Variants in CLGN observed in about 807,000 individuals in gnomAD.
CLGN encodes the protein testis tissue sperm-binding protein Li 79P.
Under a neutral mutation model 79.1 loss-of-function variants are expected in CLGN, and 62 were observed. The observed-to-expected ratio is 0.78, with a 90% CI of 0.64 to 0.97. CLGN has a LOEUF of 0.97. Ranked by LOEUF, CLGN falls within the 50% of genes least tolerant of loss-of-function variation. The probability of loss-of-function intolerance (pLI) is 0.00; values close to 1 mark genes in which losing one functional copy is unlikely to be tolerated. For synonymous variants in CLGN, 225 were observed against 224.7 expected (o/e 1.00, Z -0.01); for missense variants, 647 against 715.5 (o/e 0.90, Z 1.09).
chr4:140,404,457 G>A (rs994715408), intron 5 of CLGN, among the ~76,000 whole-genome samples: 4 of 152,078 alleles, frequency 2.6e-5, no homozygotes, highest in African/African-American at 7.2e-5. Flanking sequence ...ATATTAACAT[G>A]TATACAATTT....
intron 1 of CLGN, among the ~76,000 whole-genome samples, chr4:140,421,859 T>C (rs1729476302): frequency 6.6e-6 from 1 of 152,092 alleles, no homozygotes; most frequent in Admixed American, 6.5e-5. Context: ...TAAAAATTAC[T>C]GGCAAATTCA....
At position 140,400,494 on chromosome 4, in the gene CLGN, C is replaced by T; in HGVS notation, c.557G>A (p.Gly186Glu). The change falls in exon 7 of 15, where the codon GGA becomes GAA. Residue 186 changes from glycine (G) to glutamate (E), a missense_variant. Gly to Glu is a moderately conservative substitution (Grantham distance 98). Coordinates refer to ENST00000325617, the MANE Select transcript of CLGN (RefSeq NM_004362.3). ...YIIMFGPDKC[G>E]EDYKLHFIFR... is the part of the protein sequence containing the mutation. ...GATAAAATGAAGTTTATAATCTTCT[C>T]CACATTTATCTGGTCCAAACATAAT... 1 of 1,604,974 alleles carries T rather than the reference C, an allele frequency of 6.2e-7. No individual in the cohort carries two copies. The highest frequency in any genetic ancestry group is 8.5e-7 in the Non-Finnish European group (1 of 1,172,296).
chr4:140,415,161 GT>G (rs1481006072), intron 1 of CLGN, among the ~76,000 whole-genome samples: 1 of 152,160 alleles, frequency 6.6e-6, no homozygotes, highest in Non-Finnish European at 1.5e-5. Context: ...GAGAGATTTT[GT>G]CACCACCAGG....
intron 1 of CLGN, among the ~76,000 whole-genome samples, chr4:140,420,779 A>G (rs1729455265): frequency 6.6e-6 from 1 of 152,178 alleles, no homozygotes; most frequent in South Asian, 2.1e-4. Flanking sequence ...ACAAGTCTGT[A>G]CTGAAACTCT....
intron 1 of CLGN, among the ~76,000 whole-genome samples, chr4:140,419,111 C>A (rs1427186288): frequency 2.6e-5 from 4 of 151,920 alleles, no homozygotes; most frequent in African/African-American, 9.7e-5. Flanking sequence ...GAACAAAAAA[C>A]CAAACACCGC....
chr4:140,412,048 TG>T (rs926136070), intron 2 of CLGN, among the ~76,000 whole-genome samples: 1 of 152,140 alleles, frequency 6.6e-6, no homozygotes, highest in Admixed American at 6.5e-5. Context: ...CTGTAGTAAC[TG>T]TATCCAAGTC....
At chr4:140,392,175 G>T (rs1560737860) in intron 13 of CLGN, 44 bp downstream of exon 13, 1 of 1,597,628 alleles carries the variant, frequency 6.3e-7, no homozygotes, top group Non-Finnish European at 8.5e-7. Context: ...AGTTTTATGA[G>T]CTTTACCCAG....
In CLGN at chr4:140,396,163, A is replaced by G. The variant is rs1728870256; in HGVS notation, c.927T>C (p.Val309=). 2 of 1,614,078 alleles carry G rather than the reference A, an allele frequency of 1.2e-6. No homozygotes were observed. The highest frequency in any genetic ancestry group is 2.7e-5 in the African/African-American group (2 of 74,934). Residue 309 remains valine (V), a synonymous_variant, in exon 9 of 15, where the codon GTT becomes GTC. Transcript: ENST00000325617. ...EPAQIEDSSV[V]KPAGWLDDEP... The stretch of plus-strand genomic sequence containing the variant: ...CATCATCAAGCCAGCCAGCAGGTTT[A>G]ACAACACTTGAATCTTCTATTTGGG...
intron 14 of CLGN, among the ~76,000 whole-genome samples, chr4:140,390,346 G>T (rs553873687): frequency 3.3e-5 from 5 of 151,754 alleles, no homozygotes; most frequent in East Asian, 3.9e-4. Flanking sequence ...CTTTTCAATA[G>T]AATTTCAATG....
chr4:140,400,670 T>C (rs1023353838), intron 6 of CLGN, 121 bp from the exon 7 acceptor site: 13 of 612,590 alleles, frequency 2.1e-5, no homozygotes, highest in African/African-American at 2.1e-4. Flanking sequence ...ACCAGAGAGC[T>C]AGCTATTTAA....
At chr4:140,394,099 CT>C in intron 10 of CLGN, 58 bp from the exon 11 acceptor site, 1 of 1,226,672 alleles carries the variant, frequency 8.2e-7, no homozygotes, top group Non-Finnish European at 1.2e-6. Flanking sequence ...ATAAATGCTG[CT>C]TAATAAGTAG....
chr4:140,392,893 C>T lies in CLGN; in HGVS notation c.1366-182G>A, dbSNP rs554127899. Among the ~76,000 whole-genome samples, 6 of 152,162 alleles carry T rather than the reference C, an allele frequency of 3.9e-5. No homozygotes were observed. The East Asian group carries it at 1.2e-3, about 29-fold the overall frequency. On this transcript the variant is annotated intron_variant, in intron 11 of 14. Coordinates refer to ENST00000325617, the MANE Select transcript of CLGN (RefSeq NM_004362.3). ...AAAGTCTAATTTAATTATTAGCATG[C>T]ATCACTGAGTGAGACTTGATAGCAG...
chr4:140,424,204 T>C (rs1031877078), intron 1 of CLGN, among the ~76,000 whole-genome samples: 1 of 152,202 alleles, frequency 6.6e-6, no homozygotes, highest in African/African-American at 2.4e-5. Flanking sequence ...AGTTTTGGTA[T>C]CTTTTGTTCT....
chr4:140,420,973 G>A (rs1422346269), intron 1 of CLGN, among the ~76,000 whole-genome samples: 1 of 151,966 alleles, frequency 6.6e-6, no homozygotes, highest in African/African-American at 2.4e-5. Flanking sequence ...CTTCCCTCCA[G>A]CCCCTGGAAA....
At chr4:140,407,505 A>G (rs1729130444) in intron 4 of CLGN, among the ~76,000 whole-genome samples, 1 of 151,958 alleles carries the variant, frequency 6.6e-6, no homozygotes, top group Non-Finnish European at 1.5e-5. Flanking sequence ...ATCAATGTAC[A>G]CAAATCAGTA....
At chr4:140,400,781 A>G (rs1201174285) in intron 6 of CLGN, among the ~76,000 whole-genome samples, 1 of 152,176 alleles carries the variant, frequency 6.6e-6, no homozygotes, top group Admixed American at 6.5e-5. Context: ...CAGAAGCTGA[A>G]AATACTCTAG....
intron 1 of CLGN, among the ~76,000 whole-genome samples, chr4:140,426,220 G>T (rs1343873438): frequency 6.6e-6 from 1 of 152,090 alleles, no homozygotes; most frequent in East Asian, 1.9e-4. Context: ...ACTGCTGTGG[G>T]CCTGTTTTCT....
At chr4:140,392,741 T>C (rs1225529506) in intron 11 of CLGN, 30 bp from the exon 12 acceptor site, 1 of 1,536,418 alleles carries the variant, frequency 6.5e-7, no homozygotes, top group South Asian at 1.3e-5. Context: ...AAAAATGCAA[T>C]TCAAATTTTA....
intron 3 of CLGN, 58 bp from the exon 4 acceptor site, chr4:140,409,953 G>A (rs1348626614): frequency 8.9e-7 from 1 of 1,120,918 alleles, no homozygotes; most frequent in Non-Finnish European, 1.3e-6. Flanking sequence ...GCAATTTATA[G>A]ATATAAGGCA....
Sources: allele counts gnomAD v4.1 joint callset (sites outside exome capture counted in the v4.1 genomes callset), GRCh38; gene constraint gnomAD v4.1.1; transcripts MANE v1.5; gene names NCBI Gene and HGNC (gene_info 2026-07-23, HGNC 2026-07-21).